Variants in ATP2C1 observed in about 807,000 individuals in gnomAD.
ATP2C1 encodes ATPase secretory pathway Ca2+ transporting 1.
Under a neutral mutation model 120.5 loss-of-function variants are expected in ATP2C1, and 31 were observed. The ratio of observed to expected loss-of-function variants is 0.26; its 90% CI spans 0.19 to 0.35. The LOEUF is 0.35. Ranked by LOEUF, ATP2C1 falls within the 10% of genes least tolerant of loss-of-function variation. The probability of loss-of-function intolerance (pLI) is 1.00; values close to 1 mark genes in which losing one functional copy is unlikely to be tolerated. For missense variants in ATP2C1, 731 were observed against 1,107.5 expected, an observed-to-expected ratio of 0.66 and a Z score of 4.83; for synonymous variants, 351 against 358.7, an observed-to-expected ratio of 0.98 and a Z score of 0.24.
chr3:130,884,908 G>GTTTCTTTTC (rs931871438), intron 1 of ATP2C1, among the ~76,000 whole-genome samples: 2 of 136,610 alleles, frequency 1.5e-5, no homozygotes, highest in South Asian at 4.8e-4. Flanking sequence ...GGTGAAGTGT[G>GTTTCTTTTC]TTTCTTTTCT....
At chr3:130,983,405 A>G (rs1260882699) in intron 20 of ATP2C1, among the ~76,000 whole-genome samples, 1 of 152,338 alleles carries the variant, frequency 6.6e-6, no homozygotes, top group East Asian at 1.9e-4. Flanking sequence ...CTCTACTCTT[A>G]CACAGTTCCT....
chr3:130,989,028 G>A (rs749163707), intron 20 of ATP2C1, among the ~76,000 whole-genome samples: 35 of 152,024 alleles, frequency 2.3e-4, no homozygotes, highest in Non-Finnish European at 4.1e-4. Context: ...CGAGGCTGGT[G>A]GATCATAAGG....
intron 8 of ATP2C1, among the ~76,000 whole-genome samples, chr3:130,950,748 A>G (rs947945448): frequency 2.0e-5 from 3 of 152,118 alleles, no homozygotes; most frequent in African/African-American, 7.2e-5. Flanking sequence ...TTTTTCTTCC[A>G]CATCAGCTTG....
intron 11 of ATP2C1, among the ~76,000 whole-genome samples, 192 bp downstream of exon 11, chr3:130,956,371 C>T (rs2060581546): frequency 6.6e-6 from 1 of 151,994 alleles, no homozygotes; most frequent in Non-Finnish European, 1.5e-5. Context: ...TTCTTGTAAT[C>T]AGAAAATATT....
intron 2 of ATP2C1, among the ~76,000 whole-genome samples, chr3:130,911,405 G>T: frequency 6.6e-6 from 1 of 150,566 alleles, no homozygotes; most frequent in Admixed American, 6.6e-5. Context: ...ACCAGCTCCT[G>T]GATTCATTGA....
intron 2 of ATP2C1, chr3:130,929,971 C>CT: frequency 3.9e-6 from 1 of 256,824 alleles, no homozygotes; most frequent in Non-Finnish European, 7.6e-6. Context: ...AGCCAGTTGT[C>CT]TTTTCTGGGT....
intron 20 of ATP2C1, among the ~76,000 whole-genome samples, chr3:130,990,384 A>G (rs2062271475): frequency 6.7e-6 from 1 of 150,326 alleles, no homozygotes; most frequent in Non-Finnish European, 1.5e-5. Context: ...TTGACAGAAG[A>G]GGGACCCATG....
chr3:131,001,719 AT>A lies in ATP2C1; in HGVS notation c.*372del. ...TTTTTTTATTTTTAAATATTGTACT[AT>A]TTATGGTGGTGGGGCTTTCTTACTA... On this transcript the variant is annotated 3_prime_UTR_variant, in exon 28 of 28. Coordinates refer to ENST00000510168, the MANE Select transcript of ATP2C1 (RefSeq NM_001378687.1). 1 of 971,408 alleles carries A rather than the reference AT, an allele frequency of 1.0e-6. No homozygotes were observed. The highest frequency in any genetic ancestry group is 1.2e-6 in the Non-Finnish European group (1 of 816,508). The allele number at this position is 971,408 out of a possible 1,614,324, so 60.2% of individuals were successfully genotyped here.
At chr3:130,873,590 T>A (rs1559875005) in intron 1 of ATP2C1, among the ~76,000 whole-genome samples, 1 of 152,178 alleles carries the variant, frequency 6.6e-6, no homozygotes. Flanking sequence ...GTCATTTAAA[T>A]GAGGAAAAAA....
chr3:130,939,245 C>T (rs184862987), intron 6 of ATP2C1, among the ~76,000 whole-genome samples: 7 of 152,184 alleles, frequency 4.6e-5, no homozygotes, highest in Non-Finnish European at 7.4e-5. Context: ...ATTCTTAATA[C>T]TTTATCATTA....
chr3:131,001,811 G>A lies in ATP2C1; in HGVS notation c.*461G>A, dbSNP rs1447042116. 2.0e-6 allele frequency: 2 copies of A among 985,746 alleles called. No individual in the cohort carries two copies. The highest frequency in any genetic ancestry group is 1.7e-5 in the African/African-American group (1 of 57,172). The allele number at this position is 985,746 out of a possible 1,614,324, so 61.1% of individuals were successfully genotyped here. A position where few individuals can be genotyped will look rare whatever the true frequency, so the allele number is the denominator to read the frequency against. On this transcript the variant is annotated 3_prime_UTR_variant, in exon 28 of 28. Transcript: ENST00000510168. ...GGTTTAGAAGTTGATTCCCAGGAGT[G>A]CCATATTTCAGCTACTGTATTTCCT... is the stretch of plus-strand genomic sequence containing the variant.
At chr3:130,991,313 T>C (rs954918210) in intron 20 of ATP2C1, among the ~76,000 whole-genome samples, 1 of 152,114 alleles carries the variant, frequency 6.6e-6, no homozygotes, top group South Asian at 2.1e-4. Flanking sequence ...CTGTAGGCAT[T>C]AGCAATGTGG....
At chr3:130,975,793 T>C (rs1472732304) in intron 18 of ATP2C1, among the ~76,000 whole-genome samples, 1 of 152,244 alleles carries the variant, frequency 6.6e-6, no homozygotes, top group Admixed American at 6.5e-5. Flanking sequence ...AAAATGGTGT[T>C]ACTCTCTTTT....
rs768572508 is a variant in ATP2C1, at chr3:130,932,125, A to G, written c.221A>G (p.Lys74Arg). 4 of 1,599,036 alleles carry G rather than the reference A, an allele frequency of 2.5e-6. No individual in the cohort carries two copies. The highest frequency in any genetic ancestry group is 3.4e-6 in the Non-Finnish European group (4 of 1,166,358). ...DISEDEPLWK[K>R]YISQFKNPLI... ...AGTGAAGATGAGCCACTGTGGAAGAAGTATATTTCTCAGGTGAGATACTTT... is the reference window on the plus strand; with the variant it reads ...AGTGAAGATGAGCCACTGTGGAAGAGGTATATTTCTCAGGTGAGATACTTT... Residue 74 changes from lysine to arginine, a missense_variant, in exon 4 of 28, where the codon AAG (lysine) becomes AGG (arginine). Lys to Arg is a conservative substitution (Grantham distance 26). Transcript: ENST00000510168.
At chr3:131,014,141 C>T (rs575162899) in intron 26 of ATP2C1, 1 of 1,613,704 alleles carries the variant, frequency 6.2e-7, no homozygotes, top group South Asian at 1.1e-5. Flanking sequence ...CATACCAACA[C>T]TTGGTGTGTG....
chr3:130,999,096 A>T (rs1010187255), intron 26 of ATP2C1, among the ~76,000 whole-genome samples: 3 of 152,112 alleles, frequency 2.0e-5, no homozygotes, highest in African/African-American at 7.2e-5. Context: ...TGTAATATTT[A>T]TTTTTTTATG....
rs753105033 is a variant in ATP2C1, at chr3:130,975,426, C to A, written c.1508C>A (p.Thr503Asn). The part of the protein sequence containing the change: ...YQSKGQTLTL[T>N]QQQRDVYQQE... ...AGCAAAGGGCAGACCTTGACACTTA[C>A]TCAGCAGCAGAGAGATGTGTACCAA... The change falls in exon 18 of 28, where the codon ACT becomes AAT. Residue 503 changes from threonine (T) to asparagine (N), a missense_variant. Coordinates refer to ENST00000510168, the MANE Select transcript of ATP2C1 (RefSeq NM_001378687.1). The A allele has an allele frequency of 2.5e-5, 41 of 1,613,780 alleles. No homozygotes were observed. Among genetic ancestry groups the A allele is most frequent in the Admixed American group, 6.7e-5 (4 of 59,982 alleles).
chr3:131,000,689 C>A (rs1407674338), intron 27 of ATP2C1, among the ~76,000 whole-genome samples: 1 of 152,204 alleles, frequency 6.6e-6, no homozygotes, highest in Non-Finnish European at 1.5e-5. Flanking sequence ...CTAATTCTGG[C>A]TGCTGCCTTT....
chr3:130,992,899 T>G (rs1207146970), intron 20 of ATP2C1, 52 bp from the exon 21 acceptor site: 1 of 1,429,188 alleles, frequency 7.0e-7, no homozygotes, highest in African/African-American at 1.4e-5. Flanking sequence ...CATGGGTTAT[T>G]CTGTAGAAAT....
Sources: gnomAD v4.1 joint callset for allele counts (sites outside exome capture counted in the v4.1 genomes callset) on GRCh38, gnomAD v4.1.1 for gene constraint, MANE v1.5 for transcripts, NCBI Gene and HGNC (gene_info 2026-07-23, HGNC 2026-07-21) for gene names.